KPNA4: variants seen among roughly 807,000 people sequenced by gnomAD.
KPNA4 encodes the protein karyopherin subunit alpha 4.
A neutral mutation model predicts 71.3 loss-of-function variants in KPNA4; 13 were observed. The ratio of observed to expected loss-of-function variants is 0.18; its 90% CI spans 0.12 to 0.29. The LOEUF (loss-of-function observed/expected upper bound fraction) is 0.29, where lower values mean the gene tolerates loss of function less well. KPNA4 is among the 10% of genes least tolerant of loss of function. The probability of loss-of-function intolerance (pLI) is 1.00; values close to 1 mark genes in which losing one functional copy is unlikely to be tolerated. For synonymous variants in KPNA4, 189 were observed against 195.2 expected (o/e 0.97, Z 0.26); for missense variants, 334 against 603.2 (o/e 0.55, Z 4.67).
At position 160,535,670 on chromosome 3, in the gene KPNA4, A is replaced by T; in HGVS notation, c.225T>A (p.Ala75=). The change falls in exon 4 of 17, where the codon GCT becomes GCA. Residue 75 remains alanine (A), a synonymous_variant. Transcript: ENST00000334256. ...DYRVQNTSLE[A]IVQNASSDNQ... is the part of the protein sequence containing the mutation. ...AAAAAATCCAACTTACTTGAACAAT[A>T]GCTTCTAGAGAGGTATTTTGCTGGG... 6.3e-7 allele frequency: 1 copy of T among 1,576,542 alleles called. No homozygotes were observed. Among genetic ancestry groups the T allele is most frequent in the Non-Finnish European group, 8.6e-7 (1 of 1,169,392 alleles).
intron 1 of KPNA4, among the ~76,000 whole-genome samples, chr3:160,554,616 A>C (rs1722100989): frequency 6.6e-6 from 1 of 152,194 alleles, no homozygotes; most frequent in Admixed American, 6.5e-5. Flanking sequence ...GGAAAGACCA[A>C]GACATGACTA....
intron 2 of KPNA4, 121 bp downstream of exon 2, chr3:160,536,675 T>G: frequency 2.0e-6 from 1 of 498,054 alleles, no homozygotes; most frequent in Non-Finnish European, 3.5e-6. Context: ...TAAATAAAAT[T>G]TAGTTATACA....
chr3:160,536,804 A>G lies in KPNA4; in HGVS notation c.106T>C (p.Leu36=). Residue 36 remains leucine, a synonymous_variant, in exon 2 of 17, where the codon TTA becomes CTA. Transcript: ENST00000334256. ...ATATTAATCAGACTCACCTTCCTTA[A>G]TTCAACTACAACTTCATTTCGTTGT... ...RRQRNEVVVE[L]RKNKRDEHLL... is the part of the protein sequence containing the mutation. The G allele has an allele frequency of 6.3e-7, 1 of 1,582,180 alleles. No homozygotes were observed. Among genetic ancestry groups the G allele is most frequent in the Non-Finnish European group, 8.7e-7 (1 of 1,154,582 alleles).
intron 1 of KPNA4, among the ~76,000 whole-genome samples, chr3:160,561,219 T>C (rs973673004): frequency 6.6e-6 from 1 of 152,110 alleles, no homozygotes; most frequent in African/African-American, 2.4e-5. Flanking sequence ...TATTTGAACC[T>C]AGACACTCAG....
intron 1 of KPNA4, among the ~76,000 whole-genome samples, chr3:160,546,054 T>C (rs1372344850): frequency 6.6e-6 from 1 of 151,088 alleles, no homozygotes; most frequent in Non-Finnish European, 1.5e-5. Flanking sequence ...GAATCTTGAG[T>C]TCAAGAAAGA....
chr3:160,561,116 C>T (rs1042211426), intron 1 of KPNA4, among the ~76,000 whole-genome samples: 4 of 151,950 alleles, frequency 2.6e-5, no homozygotes, highest in Non-Finnish European at 5.9e-5. Flanking sequence ...TCACAAGTTT[C>T]TAATTATGTA....
At chr3:160,561,920 T>A (rs1040449529) in intron 1 of KPNA4, among the ~76,000 whole-genome samples, 1 of 152,064 alleles carries the variant, frequency 6.6e-6, no homozygotes, top group Non-Finnish European at 1.5e-5. Context: ...TACCTATTAA[T>A]CTTCACAACA....
At chr3:160,556,833 G>A (rs1395291850) in intron 1 of KPNA4, among the ~76,000 whole-genome samples, 6 of 152,176 alleles carry the variant, frequency 3.9e-5, no homozygotes, top group African/African-American at 9.7e-5. Flanking sequence ...AATTTAAGGT[G>A]TCTGAAACAG....
intron 13 of KPNA4, among the ~76,000 whole-genome samples, chr3:160,513,249 G>GTTTTTTTTTTTTT (rs946090860): frequency 1.2e-5 from 1 of 80,626 alleles, no homozygotes; most frequent in Non-Finnish European, 2.3e-5. Context: ...CTACTTTGTG[G>GTTTTTTTTTTTTT]TTTTTTTTTT....
intron 1 of KPNA4, 122 bp downstream of exon 1, chr3:160,565,092 C>G: frequency 1.3e-6 from 1 of 790,222 alleles, no homozygotes; most frequent in Non-Finnish European, 2.1e-6. Flanking sequence ...CGGGCCGGCC[C>G]CTAGCGCCAT....
chr3:160,549,315 T>C (rs1284560082), intron 1 of KPNA4, among the ~76,000 whole-genome samples: 1 of 152,234 alleles, frequency 6.6e-6, no homozygotes, highest in Non-Finnish European at 1.5e-5. Flanking sequence ...ATTTTTGCTT[T>C]TATAGCTTTG....
At chr3:160,555,699 G>C (rs1284172993) in intron 1 of KPNA4, among the ~76,000 whole-genome samples, 1 of 152,090 alleles carries the variant, frequency 6.6e-6, no homozygotes, top group African/African-American at 2.4e-5. Context: ...CTGCAGATAA[G>C]GGTGAACTAT....
intron 13 of KPNA4, 33 bp from the exon 14 acceptor site, chr3:160,509,904 T>C (rs1354882385): frequency 7.0e-7 from 1 of 1,422,228 alleles, no homozygotes; most frequent in Admixed American, 1.7e-5. Flanking sequence ...CTATAAAAAT[T>C]GCCACATAGA....
At chr3:160,502,363 GT>G (rs969492793) in intron 16 of KPNA4, among the ~76,000 whole-genome samples, 161 bp from the exon 17 acceptor site, 18 of 148,880 alleles carry the variant, frequency 1.2e-4, no homozygotes, top group African/African-American at 2.7e-4. Context: ...TTTATAGAAG[GT>G]TTTTTTTTTC....
chr3:160,538,114 T>C (rs1721724953), intron 1 of KPNA4, among the ~76,000 whole-genome samples: 1 of 149,734 alleles, frequency 6.7e-6, no homozygotes, highest in African/African-American at 2.4e-5. Context: ...ACACACTATA[T>C]ATATATATGT....
At chr3:160,524,701 C>G (rs1291306301) in intron 10 of KPNA4, among the ~76,000 whole-genome samples, 1 of 152,096 alleles carries the variant, frequency 6.6e-6, no homozygotes, top group Non-Finnish European at 1.5e-5. Context: ...AAGAACTTGG[C>G]TATTAAGGAG....
intron 1 of KPNA4, among the ~76,000 whole-genome samples, chr3:160,553,847 G>T (rs1170844883): frequency 1.3e-5 from 2 of 152,162 alleles, no homozygotes; most frequent in African/African-American, 4.8e-5. Context: ...CAAACTTAAG[G>T]TGTAATACTC....
chr3:160,526,815 T>C (rs1484797736), intron 8 of KPNA4, among the ~76,000 whole-genome samples: 1 of 152,244 alleles, frequency 6.6e-6, no homozygotes, highest in African/African-American at 2.4e-5. Context: ...TTGTTCTTTT[T>C]GCATCTTTAT....
At chr3:160,555,192 A>C (rs987933511) in intron 1 of KPNA4, among the ~76,000 whole-genome samples, 3 of 152,266 alleles carry the variant, frequency 2.0e-5, no homozygotes, top group Non-Finnish European at 4.4e-5. Context: ...ACCCCCACAC[A>C]TCTGGTGTCA....
Sources: gnomAD v4.1 joint callset for allele counts (sites outside exome capture counted in the v4.1 genomes callset) on GRCh38, gnomAD v4.1.1 for gene constraint, MANE v1.5 for transcripts, NCBI Gene and HGNC (gene_info 2026-07-23, HGNC 2026-07-21) for gene names.